Variants in SCN3A observed in about 807,000 individuals in gnomAD.
SCN3A encodes the protein sodium voltage-gated channel alpha subunit 3.
A neutral mutation model predicts 187.6 loss-of-function variants in SCN3A; 60 were observed. The observed-to-expected ratio is 0.32, with a 90% CI of 0.26 to 0.40. The LOEUF (loss-of-function observed/expected upper bound fraction) is 0.40, where lower values mean the gene tolerates loss of function less well. SCN3A is among the 10% of genes least tolerant of loss of function. The probability of loss-of-function intolerance (pLI) is 1.00; values close to 1 mark genes in which losing one functional copy is unlikely to be tolerated. For synonymous variants in SCN3A, 788 were observed against 829.2 expected (o/e 0.95, Z 0.85); for missense variants, 1,601 against 2,428.2 (o/e 0.66, Z 7.16).
intron 2 of SCN3A, among the ~76,000 whole-genome samples, chr2:165,185,812 C>T (rs1691192825): frequency 1.3e-5 from 2 of 152,122 alleles, no homozygotes; most frequent in Admixed American, 1.3e-4. Flanking sequence ...CAGAAGCCAG[C>T]TCACAACCAA....
At chr2:165,176,730 A>T (rs749618422) in intron 2 of SCN3A, among the ~76,000 whole-genome samples, 1 of 152,196 alleles carries the variant, frequency 6.6e-6, no homozygotes, top group Non-Finnish European at 1.5e-5. Flanking sequence ...TTTTACCTCA[A>T]GAATATCTAT....
chr2:165,100,713 G>A (rs1224375313), intron 21 of SCN3A, among the ~76,000 whole-genome samples: 1 of 152,094 alleles, frequency 6.6e-6, no homozygotes, highest in Non-Finnish European at 1.5e-5. Flanking sequence ...ATATACCACT[G>A]ATAATTCAGG....
At chr2:165,137,071 G>A (rs1391990525) in intron 15 of SCN3A, among the ~76,000 whole-genome samples, 1 of 152,116 alleles carries the variant, frequency 6.6e-6, no homozygotes, top group Non-Finnish European at 1.5e-5. Context: ...TTGTAGGATG[G>A]AAAATCAGTG....
intron 11 of SCN3A, among the ~76,000 whole-genome samples, chr2:165,151,609 C>T (rs1303904326): frequency 6.6e-6 from 1 of 152,098 alleles, no homozygotes; most frequent in Admixed American, 6.6e-5. Flanking sequence ...CCTGGAACTT[C>T]CAGACTATGA....
chr2:165,162,156 G>A (rs758217688), intron 9 of SCN3A, 152 bp downstream of exon 9: 92 of 701,716 alleles, frequency 1.3e-4, no homozygotes, highest in Non-Finnish European at 2.0e-4. Context: ...GTGGCAATCC[G>A]GTAAGGCAGA....
intron 17 of SCN3A, 124 bp from the exon 18 acceptor site, chr2:165,128,225 A>G (rs1687112458): frequency 9.1e-6 from 7 of 767,576 alleles, no homozygotes; most frequent in Admixed American, 2.8e-5. Context: ...AATGCTTACT[A>G]TATTTCAGAT....
intron 15 of SCN3A, among the ~76,000 whole-genome samples, chr2:165,134,098 T>C (rs1320578000): frequency 1.3e-5 from 2 of 152,172 alleles, no homozygotes; most frequent in African/African-American, 2.4e-5. Context: ...GCAGATTTAA[T>C]TGAAACCAGC....
At chr2:165,145,359 T>A (rs1439823698) in intron 12 of SCN3A, among the ~76,000 whole-genome samples, 1 of 152,118 alleles carries the variant, frequency 6.6e-6, no homozygotes, top group Non-Finnish European at 1.5e-5. Flanking sequence ...CTTCAGAGCT[T>A]CAAGTTAATT....
intron 1 of SCN3A, among the ~76,000 whole-genome samples, chr2:165,202,530 C>T (rs769238252): frequency 1.3e-5 from 2 of 152,004 alleles, no homozygotes; most frequent in South Asian, 2.1e-4. Context: ...CTGAAATAGA[C>T]AAGACCCAGG....
Position 165,100,368 on chromosome 2 carries a change from G to T in SCN3A, c.3900C>A (p.Ile1300=), listed in dbSNP as rs201397428. Residue 1300 remains isoleucine, a synonymous_variant, in exon 22 of 28, where the codon ATC becomes ATA. Transcript: ENST00000283254. ...AAGCTCTTAATGTCCGTAATGATTT[G>T]ATGGCACCGAGTTCTGAGTAGCCAA... ...NALGYSELGA[I]KSLRTLRALR... 5 of 1,613,854 alleles carry T rather than the reference G, an allele frequency of 3.1e-6. No individual in the cohort carries two copies. The Admixed American group carries it at 8.3e-5, about 27-fold the overall frequency.
chr2:165,197,612 T>C (rs780059865), intron 1 of SCN3A, among the ~76,000 whole-genome samples: 3 of 151,640 alleles, frequency 2.0e-5, no homozygotes, highest in Non-Finnish European at 4.4e-5. Context: ...CTGACATTTT[T>C]ATTGGTGAGG....
At chr2:165,131,590 TTTTA>T (rs1171188312) in intron 15 of SCN3A, among the ~76,000 whole-genome samples, 173 bp from the exon 16 acceptor site, 5 of 151,624 alleles carry the variant, frequency 3.3e-5, no homozygotes, top group African/African-American at 4.8e-5. Context: ...TTTTATTTAT[TTTTA>T]TTTATTTTAT....
chr2:165,186,503 G>A (rs1331516414), intron 2 of SCN3A, 48 bp downstream of exon 2: 2 of 152,078 alleles, frequency 1.3e-5, no homozygotes, highest in African/African-American at 4.8e-5. Flanking sequence ...AGAGATTTTA[G>A]TTTATTTTCC....
chr2:165,190,494 ATATATATATATAAC>A (rs1437082244), intron 1 of SCN3A, among the ~76,000 whole-genome samples: 3 of 147,528 alleles, frequency 2.0e-5, no homozygotes, highest in Non-Finnish European at 4.5e-5. Flanking sequence ...TTGCACAAAG[ATATATATATATAAC>A]TTTATATATA....
chr2:165,176,186 G>A lies in SCN3A; in HGVS notation c.209C>T (p.Pro70Leu). 2 of 1,614,012 alleles carry A rather than the reference G, an allele frequency of 1.2e-6. No homozygotes were observed. Among genetic ancestry groups the A allele is most frequent in the Non-Finnish European group, 1.7e-6 (2 of 1,179,930 alleles). Reference protein sequence around the residue: ...NLPFIYGDIPPEMVSEPLEDL... With the variant: ...NLPFIYGDIPLEMVSEPLEDL... ...CTCCAGGGGCTCTGACACCATCTCT[G>A]GAGGAATGTCTCCATAAATAAATGG... The change falls in exon 3 of 28, where the codon CCA becomes CTA. Residue 70 changes from proline (P) to leucine (L), a missense_variant. Transcript: ENST00000283254.
At chr2:165,192,496 G>T (rs1397263653) in intron 1 of SCN3A, among the ~76,000 whole-genome samples, 2 of 152,090 alleles carry the variant, frequency 1.3e-5, no homozygotes, top group African/African-American at 4.8e-5. Flanking sequence ...CAAGTAACTT[G>T]CCCAAGGTCA....
chr2:165,132,981 A>G (rs1687437251), intron 15 of SCN3A, among the ~76,000 whole-genome samples: 1 of 152,238 alleles, frequency 6.6e-6, no homozygotes, highest in African/African-American at 2.4e-5. Flanking sequence ...AGACATGAAC[A>G]GACACTTCTC....
rs1357934575 is a variant in SCN3A, at chr2:165,089,081, T to G, written c.*1069A>C. 1 of 152,582 alleles carries G rather than the reference T, an allele frequency of 6.6e-6. No homozygotes were observed. Among genetic ancestry groups the G allele is most frequent in the Non-Finnish European group, 1.5e-5 (1 of 67,998 alleles). The allele number at this position is 152,582 out of a possible 1,614,324, so 9.5% of individuals were successfully genotyped here. A position where few individuals can be genotyped will look rare whatever the true frequency, so the allele number is the denominator to read the frequency against. ...TATTAACATGCATTAGTGATAGCCT[T>G]TAAACTATGTTTAATGAATGATACA... On this transcript the variant is annotated 3_prime_UTR_variant, in exon 28 of 28. Coordinates refer to ENST00000283254, the MANE Select transcript of SCN3A (RefSeq NM_006922.4).
chr2:165,178,269 C>T (rs1690596412), intron 2 of SCN3A, among the ~76,000 whole-genome samples: 1 of 152,030 alleles, frequency 6.6e-6, no homozygotes, highest in African/African-American at 2.4e-5. Context: ...CTCTGTCACC[C>T]AGGCTGGAGT....
Sources: allele counts gnomAD v4.1 joint callset (sites outside exome capture counted in the v4.1 genomes callset), GRCh38; gene constraint gnomAD v4.1.1; transcripts MANE v1.5; gene names NCBI Gene and HGNC (gene_info 2026-07-23, HGNC 2026-07-21).